CHD9: variants seen among roughly 807,000 people sequenced by gnomAD.
CHD9 encodes the protein ATP-dependent chromatin remodeler CHD9.
CHD9 carries 77 observed loss-of-function variants against 316.1 expected under a neutral mutation model. The observed-to-expected ratio is 0.24, with a 90% CI of 0.20 to 0.29. The LOEUF (loss-of-function observed/expected upper bound fraction) is 0.29, where lower values mean the gene tolerates loss of function less well. Among genes scored for constraint, CHD9 ranks in the 10% least tolerant of loss-of-function variants. The pLI is 1.00. For synonymous variants in CHD9, 1,129 were observed against 1,158.3 expected (o/e 0.97, Z 0.51); for missense variants, 2,763 against 3,438.1 (o/e 0.80, Z 4.91).
chr16:53,318,217 G>A lies in CHD9; in HGVS notation c.7590G>A (p.Met2530Ile), dbSNP rs1598004907. The A allele has an allele frequency of 6.2e-7, 1 of 1,610,308 alleles. No individual in the cohort carries two copies. The highest frequency in any genetic ancestry group is 1.1e-5 in the South Asian group (1 of 90,350). ...TCTTTATCTATATATTTTAGAGAATGCAGCTTCATGAGGGAAGACCCAAAC... is the reference window on the plus strand; with the variant it reads ...TCTTTATCTATATATTTTAGAGAATACAGCTTCATGAGGGAAGACCCAAAC... ...VEDLGAFIPRMQLHEGRPKQK... is the reference protein window; with the variant it reads ...VEDLGAFIPRIQLHEGRPKQK... The change falls in exon 37 of 39, where the codon ATG (methionine) becomes ATA (isoleucine). Residue 2530 changes from methionine to isoleucine, a missense_variant. Met to Ile is a conservative substitution (Grantham distance 10). Transcript: ENST00000447540.
rs149518269 is a variant in CHD9 at position 53,097,953 on chromosome 16, C to G, written c.-165+42876C>G. 5.6e-3 allele frequency among the ~76,000 whole-genome samples: 847 copies of G among 151,752 alleles called. 5 individuals carry two copies. The highest frequency in any genetic ancestry group is 0.02 in the African/African-American group (815 of 41,358). On this transcript the variant is annotated intron_variant, in intron 1 of 38. Transcript: ENST00000447540. ...TGGCCAAAATGGTGAAACCCTGTCT[C>G]TACTAAAAATACAAAAATTAGCCAG... is the stretch of plus-strand genomic sequence containing the variant.
intron 1 of CHD9, among the ~76,000 whole-genome samples, chr16:53,076,322 C>T (rs1350312446): frequency 6.6e-6 from 1 of 152,084 alleles, no homozygotes; most frequent in Non-Finnish European, 1.5e-5. Flanking sequence ...CGCCTGTAAT[C>T]ACAGCACTTT....
intron 2 of CHD9, among the ~76,000 whole-genome samples, chr16:53,160,832 G>A (rs1416532787): frequency 3.9e-5 from 6 of 152,148 alleles, no homozygotes; most frequent in African/African-American, 7.2e-5. Flanking sequence ...GCTTGAACCC[G>A]GGAGGCTGAG....
chr16:53,086,710 A>G (rs1447725160), intron 1 of CHD9, among the ~76,000 whole-genome samples: 1 of 152,224 alleles, frequency 6.6e-6, no homozygotes, highest in Admixed American at 6.5e-5. Flanking sequence ...CCTTTTAAAA[A>G]TTACTAACAA....
chr16:53,150,430 G>A (rs965011810), intron 1 of CHD9, among the ~76,000 whole-genome samples: 3 of 151,856 alleles, frequency 2.0e-5, no homozygotes, highest in African/African-American at 4.8e-5. Context: ...AGATTACATC[G>A]GTCTACATTG....
rs35792251 is a variant in CHD9, at chr16:53,113,364, C to CTTTT, written c.-164-42545_-164-42542dup. On this transcript the variant is annotated intron_variant, in intron 1 of 38. Coordinates refer to ENST00000447540, the MANE Select transcript of CHD9 (RefSeq NM_001308319.2). ...TCTCTGTTTTACAAGAATCTTGGCA[C>CTTTT]TTTTTTTTTTTTTTTTTTTTGAGAT... Among the ~76,000 whole-genome samples the CTTTT allele has an allele frequency of 1.4e-3, 168 of 115,978 alleles. 15 individuals carry two copies. The highest frequency in any genetic ancestry group is 2.1e-3 in the Non-Finnish European group (122 of 57,868). The allele number at this position is 115,978 out of a possible 152,430, so 76.1% of individuals were successfully genotyped here.
intron 34 of CHD9, among the ~76,000 whole-genome samples, chr16:53,313,682 C>G (rs574626057): frequency 6.8e-6 from 1 of 147,962 alleles, no homozygotes; most frequent in East Asian, 2.0e-4. Context: ...CGGTGGCTCA[C>G]GCCTGTAATC....
chr16:53,190,312 C>G (rs2044377653), intron 2 of CHD9, among the ~76,000 whole-genome samples: 1 of 151,980 alleles, frequency 6.6e-6, no homozygotes, highest in Non-Finnish European at 1.5e-5. Context: ...TTTGTCTACA[C>G]TGAGAATCAA....
chr16:53,222,317 C>G (rs887422268), intron 3 of CHD9, among the ~76,000 whole-genome samples: 5 of 152,168 alleles, frequency 3.3e-5, no homozygotes, highest in African/African-American at 1.2e-4. Context: ...CTTTTTCCAC[C>G]TGCCTCAGCC....
intron 2 of CHD9, among the ~76,000 whole-genome samples, chr16:53,194,625 GT>G (rs1820523855): frequency 6.6e-6 from 1 of 152,164 alleles, no homozygotes; most frequent in African/African-American, 2.4e-5. Flanking sequence ...AATTGAAAAT[GT>G]AACTAGAGAG....
At chr16:53,123,171 CTT>C (rs61290396) in intron 1 of CHD9, among the ~76,000 whole-genome samples, 3 of 143,868 alleles carry the variant, frequency 2.1e-5, no homozygotes, top group African/African-American at 2.5e-5. Flanking sequence ...CCTGGAATCA[CTT>C]TTTTTTTTTT....
intron 29 of CHD9, among the ~76,000 whole-genome samples, chr16:53,294,708 A>T (rs546063611): frequency 6.6e-6 from 1 of 152,350 alleles, no homozygotes; most frequent in East Asian, 1.9e-4. Context: ...TGTTGGTCAG[A>T]AAAAGCCACA....
chr16:53,321,502 A>G, intron 37 of CHD9, 24 bp from the exon 38 acceptor site: 2 of 1,520,610 alleles, frequency 1.3e-6, no homozygotes, highest in Non-Finnish European at 1.8e-6. Context: ...GTGTTGTAGT[A>G]TTTAATCTGT....
intron 34 of CHD9, chr16:53,311,628 G>A (rs1470772110): frequency 1.3e-5 from 2 of 152,192 alleles, no homozygotes; most frequent in African/African-American, 4.8e-5. Context: ...GATACCAGAT[G>A]TAGTGTAATT....
rs1462689025 is a variant in CHD9, at chr16:53,324,832, T to G, written c.8631T>G (p.Ala2877=). ...ATGAGGGTTCAGAGAAAGCTGATGC[T>G]TCATCTGGATCTGATAGTACATCGT... is the stretch of plus-strand genomic sequence containing the variant. ...STDEGSEKAD[A]SSGSDSTSSS... Residue 2877 remains alanine, a synonymous_variant, in exon 39 of 39, where the codon GCT becomes GCG. Transcript: ENST00000447540. 2 of 1,612,308 alleles carry G rather than the reference T, an allele frequency of 1.2e-6. No homozygotes were observed. Among genetic ancestry groups the G allele is most frequent in the East Asian group, 2.2e-5 (1 of 44,816 alleles).
rs117396269 is a variant in CHD9 at position 53,176,953 on chromosome 16, A to C, written c.1452+19412A>C. On this transcript the variant is annotated intron_variant, in intron 2 of 38. Coordinates refer to ENST00000447540, the MANE Select transcript of CHD9 (RefSeq NM_001308319.2). Reference sequence around the variant, plus strand: ...TTAGTGGTGACATCTTTATTTATTTAATTTTATATATATATTTTTTGAGAC... The same window carrying C: ...TTAGTGGTGACATCTTTATTTATTTCATTTTATATATATATTTTTTGAGAC... Among the ~76,000 whole-genome samples the C allele has an allele frequency of 1.0e-3, 153 of 152,076 alleles. 1 individual carries two copies. In the East Asian group the frequency reaches 0.019, roughly 19 times the overall value.
At chr16:53,235,647 G>C (rs1454808149) in intron 11 of CHD9, among the ~76,000 whole-genome samples, 1 of 152,108 alleles carries the variant, frequency 6.6e-6, no homozygotes, top group African/African-American at 2.4e-5. Context: ...GAGTTAGTGA[G>C]TTATGAGCAA....
At chr16:53,174,786 T>C (rs543033785) in intron 2 of CHD9, among the ~76,000 whole-genome samples, 40 of 152,250 alleles carry the variant, frequency 2.6e-4, no homozygotes, top group African/African-American at 8.9e-4. Flanking sequence ...TTCATTTTAT[T>C]TTTTCTAGAG....
intron 1 of CHD9, among the ~76,000 whole-genome samples, chr16:53,142,960 C>CCTGTAGTAGAAAGCAGAGGGG (rs1249127363): frequency 2.6e-5 from 4 of 152,100 alleles, no homozygotes; most frequent in Non-Finnish European, 5.9e-5. Context: ...GCTGCATCAT[C>CCTGTAGTAGAAAGCAGAGGGG]CTGTAGTAGA....
Sources: gnomAD v4.1 joint callset for allele counts (sites outside exome capture counted in the v4.1 genomes callset) on GRCh38, gnomAD v4.1.1 for gene constraint, MANE v1.5 for transcripts, NCBI Gene and HGNC (gene_info 2026-07-23, HGNC 2026-07-21) for gene names.